The following SCML4 variants were observed in gnomAD, a reference collection of about 807,000 sequenced individuals.
SCML4 encodes Scm polycomb group protein like 4.
Under a neutral mutation model 41.1 loss-of-function variants are expected in SCML4, and 34 were observed. The ratio of observed to expected loss-of-function variants is 0.83; its 90% CI spans 0.63 to 1.10. SCML4 has a LOEUF of 1.10. Ranked by LOEUF, SCML4 falls within the 50% of genes least tolerant of loss-of-function variation. The probability of loss-of-function intolerance (pLI) is 0.00; values close to 1 mark genes in which losing one functional copy is unlikely to be tolerated. For missense variants in SCML4, 522 were observed against 534.1 expected, an observed-to-expected ratio of 0.98 and a Z score of 0.22; for synonymous variants, 214 against 220.9, an observed-to-expected ratio of 0.97 and a Z score of 0.28.
At chr6:107,711,411 C>G (rs1025063683) in intron 6 of SCML4, among the ~76,000 whole-genome samples, 1 of 152,170 alleles carries the variant, frequency 6.6e-6, no homozygotes, top group Non-Finnish European at 1.5e-5. Flanking sequence ...TTGCAATTTT[C>G]TCCAGTATTC....
chr6:107,825,365 A>T (rs1269433165), upstream of SCML4, among the ~76,000 whole-genome samples: 1 of 152,248 alleles, frequency 6.6e-6, no homozygotes, highest in Admixed American at 6.5e-5. Context: ...CTGAGAGTGA[A>T]AAAAACTGCA....
chr6:107,843,184 A>C, the SCML4 span, among the ~76,000 whole-genome samples: 1 of 152,210 alleles, frequency 6.6e-6, no homozygotes, highest in African/African-American at 2.4e-5. Context: ...AGATCTAAGA[A>C]GCTCAGAAAC....
intron 7 of SCML4, among the ~76,000 whole-genome samples, chr6:107,706,064 G>A (rs1773593587): frequency 1.3e-5 from 2 of 152,140 alleles, no homozygotes. Context: ...GAAATTTCAG[G>A]TGCTCAAGCA....
chr6:107,827,375 T>C (rs1184569447), upstream of SCML4, among the ~76,000 whole-genome samples: 1 of 149,208 alleles, frequency 6.7e-6, no homozygotes, highest in Non-Finnish European at 1.5e-5. Flanking sequence ...TAAATATATC[T>C]GTATATACAC....
intron 1 of SCML4, among the ~76,000 whole-genome samples, chr6:107,806,193 C>CG (rs11403226): frequency 1.9e-4 from 12 of 64,128 alleles, no homozygotes; most frequent in Non-Finnish European, 5.8e-4. Flanking sequence ...ATTTCCCCCC[C>CG]CCCAATAAAC....
At chr6:107,713,682 C>T (rs1413393184) in intron 6 of SCML4, among the ~76,000 whole-genome samples, 3 of 152,194 alleles carry the variant, frequency 2.0e-5, no homozygotes, top group Admixed American at 6.5e-5. Context: ...TCATTGTCTC[C>T]GACAGGGACC....
At chr6:107,751,718 C>T (rs148993536) in intron 2 of SCML4, among the ~76,000 whole-genome samples, 1 of 150,364 alleles carries the variant, frequency 6.7e-6, no homozygotes, top group African/African-American at 2.4e-5. Context: ...TCACTGCAAC[C>T]TCCGCCTCCC....
At chr6:107,839,393 G>GAAAGAAACAAAGAAAC in the SCML4 span, among the ~76,000 whole-genome samples, 9 of 134,496 alleles carry the variant, frequency 6.7e-5, no homozygotes, top group African/African-American at 2.3e-4. Flanking sequence ...AAGAAAGAAA[G>GAAAGAAACAAAGAAAC]AAAGAAAGAA....
At chr6:107,760,923 G>T (rs1436294500) in intron 2 of SCML4, among the ~76,000 whole-genome samples, 1 of 152,202 alleles carries the variant, frequency 6.6e-6, no homozygotes, top group Non-Finnish European at 1.5e-5. Context: ...GAAGCAAATT[G>T]AATTTTTATA....
chr6:107,822,190 T>C (rs575117346), intron 1 of SCML4, among the ~76,000 whole-genome samples: 142 of 152,366 alleles, frequency 9.3e-4, no homozygotes, highest in African/African-American at 3.2e-3. Flanking sequence ...AGGAAAGTGT[T>C]ACTGAGTATT....
At chr6:107,813,353 A>G in intron 1 of SCML4, among the ~76,000 whole-genome samples, 1 of 134,222 alleles carries the variant, frequency 7.5e-6, no homozygotes, top group African/African-American at 3.1e-5. Flanking sequence ...ACAGAGTGAG[A>G]CGCCATCTCA....
Position 107,745,111 on chromosome 6 carries a change from G to C in SCML4, c.520C>G (p.Arg174Gly). The C allele has an allele frequency of 6.2e-7, 1 of 1,600,168 alleles. No individual in the cohort carries two copies. The highest frequency in any genetic ancestry group is 8.5e-7 in the Non-Finnish European group (1 of 1,173,100). ...ATGCTGTTCACCACAGGCAGGCTCC[G>C]CAGGTGCTGTTTGCCATCAAAGGAA... ...SASFDGKQHLRSLPVVNSIGY... is the reference protein window; with the variant it reads ...SASFDGKQHLGSLPVVNSIGY... Residue 174 changes from arginine (R) to glycine (G), a missense_variant, in exon 5 of 8, where the codon CGG (arginine) becomes GGG (glycine). Coordinates refer to ENST00000369020, the MANE Select transcript of SCML4 (RefSeq NM_198081.5).
chr6:107,833,316 T>A, the SCML4 span, among the ~76,000 whole-genome samples: 1 of 152,066 alleles, frequency 6.6e-6, no homozygotes, highest in African/African-American at 2.4e-5. Flanking sequence ...GCGCTGTGTG[T>A]GTTGTTGGGT....
chr6:107,770,049 C>T (rs1341341461), intron 2 of SCML4, among the ~76,000 whole-genome samples: 1 of 152,084 alleles, frequency 6.6e-6, no homozygotes, highest in Non-Finnish European at 1.5e-5. Flanking sequence ...AATTAGTTGA[C>T]ATTTGGCAAA....
intron 1 of SCML4, among the ~76,000 whole-genome samples, chr6:107,784,643 T>C (rs1034444018): frequency 6.6e-6 from 1 of 152,248 alleles, no homozygotes; most frequent in African/African-American, 2.4e-5. Flanking sequence ...ATTTGAATGT[T>C]GTATATTTTT....
At chr6:107,809,791 G>A (rs561686126) in intron 1 of SCML4, among the ~76,000 whole-genome samples, 18 of 152,264 alleles carry the variant, frequency 1.2e-4, no homozygotes, top group South Asian at 4.2e-4. Context: ...AAACCAGAAC[G>A]CAGGTAGCCT....
intron 5 of SCML4, among the ~76,000 whole-genome samples, chr6:107,734,636 C>A (rs912638149): frequency 1.6e-4 from 24 of 152,074 alleles, no homozygotes; most frequent in Admixed American, 3.9e-4. Context: ...AAAATATGTA[C>A]AGATATCATA....
At chr6:107,731,630 G>A (rs1383246004) in intron 5 of SCML4, among the ~76,000 whole-genome samples, 1 of 152,174 alleles carries the variant, frequency 6.6e-6, no homozygotes, top group Non-Finnish European at 1.5e-5. Flanking sequence ...TTGCCGGTCT[G>A]CCCAGCCCTG....
upstream of SCML4, among the ~76,000 whole-genome samples, chr6:107,827,367 A>G (rs1422842556): frequency 1.4e-5 from 2 of 147,944 alleles, no homozygotes; most frequent in Non-Finnish European, 3.0e-5. Flanking sequence ...TTTTTATTTA[A>G]ATATATCTGT....
Sources: allele counts gnomAD v4.1 joint callset (sites outside exome capture counted in the v4.1 genomes callset), GRCh38; gene constraint gnomAD v4.1.1; transcripts MANE v1.5; gene names NCBI Gene and HGNC (gene_info 2026-07-23, HGNC 2026-07-21).